KIDINS220: variants seen among roughly 807,000 people sequenced by gnomAD.
KIDINS220 encodes the protein kinase D-interacting substrate of 220 kDa.
A neutral mutation model predicts 157.6 loss-of-function variants in KIDINS220; 63 were observed. The observed-to-expected ratio is 0.40, with a 90% CI of 0.33 to 0.49. The LOEUF is 0.49. KIDINS220 is among the 20% of genes least tolerant of loss of function. The pLI is 0.66. For missense variants in KIDINS220, 1,772 were observed against 2,171.2 expected (o/e 0.82, Z 3.65); for synonymous variants, 732 against 783.6 (o/e 0.93, Z 1.10).
intron 7 of KIDINS220, among the ~76,000 whole-genome samples, chr2:8,805,636 C>T (rs1414124892): frequency 2.6e-5 from 4 of 152,142 alleles, no homozygotes; most frequent in African/African-American, 7.2e-5. Context: ...GTTATAGGAG[C>T]AGTCAGCCAG....
chr2:8,750,185 C>G lies in KIDINS220; in HGVS notation c.3341G>C (p.Gly1114Ala), dbSNP rs1231506578. The change falls in exon 24 of 30, where the codon GGA (glycine) becomes GCA (alanine). Residue 1114 changes from glycine to alanine, a missense_variant. This residue lies in a region of KIDINS220 where 793 missense variants were observed against 885.5 expected (regional missense o/e 0.90). Coordinates refer to ENST00000256707, the MANE Select transcript of KIDINS220 (RefSeq NM_020738.4). ...GCTGTGAGGCTGTGGTGACACCACTCCACCTGCGAAGGGCCCATTGAAGGA... is the reference window on the plus strand; with the variant it reads ...GCTGTGAGGCTGTGGTGACACCACTGCACCTGCGAAGGGCCCATTGAAGGA... ...STSFNGPFAG[G>A]VVSPQPHSSY... The G allele has an allele frequency of 2.5e-6, 4 of 1,614,172 alleles. No homozygotes were observed. Among genetic ancestry groups the G allele is most frequent in the Non-Finnish European group, 2.5e-6 (3 of 1,180,030 alleles).
intron 17 of KIDINS220, among the ~76,000 whole-genome samples, chr2:8,782,363 C>T (rs530869344): frequency 6.6e-6 from 1 of 152,026 alleles, no homozygotes; most frequent in African/African-American, 2.4e-5. Flanking sequence ...AGAGAGGCTA[C>T]CACTTTAGAC....
At position 8,812,563 on chromosome 2, in the gene KIDINS220, G is replaced by A. The variant is rs189018522; in HGVS notation, c.406-70C>T. On this transcript the variant is annotated intron_variant, in intron 5 of 29. Coordinates refer to ENST00000256707, the MANE Select transcript of KIDINS220 (RefSeq NM_020738.4). Reference sequence around the variant, plus strand: ...GAAGGAAAGAAAGAAAGGAAGGAGGGAGGGAGGGAAGGAGAAATAAAATCT... The same window carrying A: ...GAAGGAAAGAAAGAAAGGAAGGAGGAAGGGAGGGAAGGAGAAATAAAATCT... 1.2e-4 allele frequency: 89 copies of A among 752,644 alleles called. No individual in the cohort carries two copies. The African/African-American group carries it at 1.5e-3, about 13-fold the overall frequency. The allele number at this position is 752,644 out of a possible 1,614,324, so 46.6% of individuals were successfully genotyped here.
chr2:8,812,183 G>C (rs1446297362), intron 6 of KIDINS220, among the ~76,000 whole-genome samples: 4 of 152,122 alleles, frequency 2.6e-5, no homozygotes, highest in Non-Finnish European at 5.9e-5. Flanking sequence ...TGGGAATGAT[G>C]AATGTGACAT....
rs776969035 is a variant in KIDINS220, at chr2:8,776,923, C to T, written c.2704-31G>A. ...ACAGCACGTCGTCAGTGAGAAGGAACCCACGCGTCCAGTCTAAGAACTTAA... is the reference window on the plus strand; with the variant it reads ...ACAGCACGTCGTCAGTGAGAAGGAATCCACGCGTCCAGTCTAAGAACTTAA... On this transcript the variant is annotated intron_variant, in intron 20 of 29. Coordinates refer to ENST00000256707, the MANE Select transcript of KIDINS220 (RefSeq NM_020738.4). 6 of 1,605,616 alleles carry T rather than the reference C, an allele frequency of 3.7e-6. No homozygotes were observed. The African/African-American group carries it at 6.7e-5, about 18-fold the overall frequency.
intron 21 of KIDINS220, among the ~76,000 whole-genome samples, chr2:8,771,861 T>C (rs1427084688): frequency 1.3e-5 from 2 of 151,980 alleles, no homozygotes; most frequent in African/African-American, 2.4e-5. Flanking sequence ...GATGGAGACA[T>C]GGCTATGCTG....
At chr2:8,735,302 T>C (rs549249517) in intron 27 of KIDINS220, among the ~76,000 whole-genome samples, 4 of 152,232 alleles carry the variant, frequency 2.6e-5, no homozygotes, top group African/African-American at 9.6e-5. Context: ...GAGGCTGAGG[T>C]GGGTGGATCA....
At position 8,778,065 on chromosome 2, in the gene KIDINS220, A is replaced by G. The variant is rs113228334; in HGVS notation, c.2703+574T>C. ...ACTGTCACAACTGCCCTGCAAGTGAATATCTTCCTGTCATATGCATACAGA... is the reference window on the plus strand; with the variant it reads ...ACTGTCACAACTGCCCTGCAAGTGAGTATCTTCCTGTCATATGCATACAGA... On this transcript the variant is annotated intron_variant, in intron 20 of 29. Transcript: ENST00000256707. Among the ~76,000 whole-genome samples the G allele has an allele frequency of 8.2e-3, 1,249 of 152,302 alleles. 14 individuals are homozygous for G. Among genetic ancestry groups the G allele is most frequent in the African/African-American group, 0.028 (1,155 of 41,572 alleles).
At chr2:8,830,613 T>C (rs1679479712) in intron 1 of KIDINS220, among the ~76,000 whole-genome samples, 1 of 152,142 alleles carries the variant, frequency 6.6e-6, no homozygotes, top group South Asian at 2.1e-4. Context: ...GAAATGAAGT[T>C]TCACCATGTT....
rs910546886 is a variant in KIDINS220 at position 8,756,741 on chromosome 2, G to A, written c.3012-5097C>T. ...TCTTAGGAGGGCACTAATCCCATACGAGGATTCCACCCTCATGACCTCATC... is the reference window on the plus strand; with the variant it reads ...TCTTAGGAGGGCACTAATCCCATACAAGGATTCCACCCTCATGACCTCATC... On this transcript the variant is annotated intron_variant, in intron 22 of 29. Coordinates refer to ENST00000256707, the MANE Select transcript of KIDINS220 (RefSeq NM_020738.4). 1.1e-4 allele frequency among the ~76,000 whole-genome samples: 17 copies of A among 152,216 alleles called. No individual in the cohort carries two copies. The South Asian group carries it at 2.1e-3, about 19-fold the overall frequency.
chr2:8,797,112 C>A (rs1373904268), intron 10 of KIDINS220, among the ~76,000 whole-genome samples: 1 of 152,186 alleles, frequency 6.6e-6, no homozygotes, highest in Non-Finnish European at 1.5e-5. Flanking sequence ...TAAGCTACAG[C>A]CGGCAGCAGT....
chr2:8,747,544 T>C lies in KIDINS220; in HGVS notation c.3528+343A>G, dbSNP rs554738271. The C allele has an allele frequency of 7.0e-5, 29 of 412,880 alleles. No individual in the cohort carries two copies. In the Admixed American group the frequency reaches 9.7e-4, roughly 14 times the overall value. The allele number at this position is 412,880 out of a possible 1,614,324, so 25.6% of individuals were successfully genotyped here. On this transcript the variant is annotated intron_variant, in intron 25 of 29. Coordinates refer to ENST00000256707, the MANE Select transcript of KIDINS220 (RefSeq NM_020738.4). ...TATCATGGTGCTAATATTTACATACTATAAAGGTACTGTATACACATGTTC... is the reference window on the plus strand; with the variant it reads ...TATCATGGTGCTAATATTTACATACCATAAAGGTACTGTATACACATGTTC...
chr2:8,734,340 A>G, intron 28 of KIDINS220, among the ~76,000 whole-genome samples: 1 of 152,200 alleles, frequency 6.6e-6, no homozygotes, highest in South Asian at 2.1e-4. Flanking sequence ...CTGAAGGTCA[A>G]GGCCTCGAAG....
intron 18 of KIDINS220, 103 bp downstream of exon 18, chr2:8,779,571 A>G: frequency 2.3e-6 from 3 of 1,309,188 alleles, no homozygotes; most frequent in Non-Finnish European, 3.1e-6. Context: ...GAACTACTCA[A>G]ACAAAAACCA....
chr2:8,734,744 T>G lies in KIDINS220; in HGVS notation c.3727A>C (p.Asn1243His). The part of the protein sequence containing the change: ...YCTTIKKANI[N>H]GRVLAQCNID... Reference sequence around the variant, plus strand: ...TTACACTGAGCTAACACACGGCCATTTATGTTTGCCTGAGTAAAAATTAAA... The same window carrying G: ...TTACACTGAGCTAACACACGGCCATGTATGTTTGCCTGAGTAAAAATTAAA... Residue 1243 changes from asparagine to histidine, a missense_variant, in exon 28 of 30, where the codon AAT becomes CAT. Around this residue, in one of 3 missense-constraint regions of KIDINS220, gnomAD observed 793 missense variants for 885.5 expected, o/e 0.90. Coordinates refer to ENST00000256707, the MANE Select transcript of KIDINS220 (RefSeq NM_020738.4). The G allele has an allele frequency of 1.2e-6, 2 of 1,610,466 alleles. No homozygotes were observed. Among genetic ancestry groups the G allele is most frequent in the Non-Finnish European group, 1.7e-6 (2 of 1,178,488 alleles).
chr2:8,728,418 T>G (rs1029795323), downstream of KIDINS220, among the ~76,000 whole-genome samples: 3 of 152,186 alleles, frequency 2.0e-5, no homozygotes, highest in African/African-American at 7.2e-5. Context: ...AGCACCAATT[T>G]CTTTTTCTAT....
chr2:8,836,507 C>A (rs759157882), intron 1 of KIDINS220, among the ~76,000 whole-genome samples: 27 of 152,248 alleles, frequency 1.8e-4, no homozygotes, highest in Non-Finnish European at 2.9e-4. Context: ...CCGGGAGAAT[C>A]CCATTCCCTA....
At chr2:8,795,976 A>T (rs1673854411) in intron 11 of KIDINS220, among the ~76,000 whole-genome samples, 1 of 152,192 alleles carries the variant, frequency 6.6e-6, no homozygotes, top group African/African-American at 2.4e-5. Flanking sequence ...TGACATGTTA[A>T]CATGGTAATG....
At chr2:8,788,300 T>C (rs982548400) in intron 15 of KIDINS220, among the ~76,000 whole-genome samples, 1 of 151,796 alleles carries the variant, frequency 6.6e-6, no homozygotes, top group African/African-American at 2.4e-5. Context: ...CAGAGTTTCG[T>C]TCTTGTCGCC....
Sources: gnomAD v4.1 joint callset for allele counts (sites outside exome capture counted in the v4.1 genomes callset) on GRCh38, gnomAD v4.1.1 for gene constraint, gnomAD v4.1.1 regional missense constraint, MANE v1.5 for transcripts, NCBI Gene and HGNC (gene_info 2026-07-23, HGNC 2026-07-21) for gene names.